Variants in REEP6 observed in about 807,000 individuals in gnomAD.
REEP6 encodes the protein receptor accessory protein 6.
A neutral mutation model predicts 22.4 loss-of-function variants in REEP6; 19 were observed. The observed-to-expected ratio is 0.85, with a 90% CI of 0.59 to 1.25. The LOEUF (loss-of-function observed/expected upper bound fraction) is 1.25, where lower values mean the gene tolerates loss of function less well. REEP6 is among the 50% of genes most tolerant of loss of function. The pLI is 0.00. For synonymous variants in REEP6, 121 were observed against 113.6 expected (o/e 1.06, Z -0.41); for missense variants, 273 against 251.9 (o/e 1.08, Z -0.57).
chr19:1,494,276 T>C (rs1284513026), intron 1 of REEP6, among the ~76,000 whole-genome samples: 2 of 152,046 alleles, frequency 1.3e-5, no homozygotes, highest in Non-Finnish European at 2.9e-5. Context: ...ATGCTGGGGT[T>C]TGCTGCCTCC....
At chr19:1,494,743 G>A (rs912459842) in intron 1 of REEP6, among the ~76,000 whole-genome samples, 1 of 151,920 alleles carries the variant, frequency 6.6e-6, no homozygotes, top group Non-Finnish European at 1.5e-5. Context: ...GGAGTGCAAC[G>A]GCGCGATCTT....
At position 1,496,537 on chromosome 19, in the gene REEP6, T is replaced by TTTGGCCGCCCACTGTCTGGCATC. The variant is rs1555691289; in HGVS notation, c.517+94_517+95insACTGTCTGGCATCTTGGCCGCCC. ...TCTCCACCTTGCCTCCCTTTCTGAC[T>TTTGGCCGCCCACTGTCTGGCATC]TTGGCCGCCCCCTCTCACTGTCCGC... On this transcript the variant is annotated intron_variant, in intron 4 of 4. Coordinates refer to ENST00000233596, the MANE Select transcript of REEP6 (RefSeq NM_138393.4). 1.0e-5 allele frequency: 15 copies of TTTGGCCGCCCACTGTCTGGCATC among 1,486,762 alleles called. No individual in the cohort carries two copies. In the African/African-American group the frequency reaches 2.1e-4, roughly 21 times the overall value. The allele number at this position is 1,486,762 out of a possible 1,614,324, so 92.1% of individuals were successfully genotyped here.
chr19:1,496,717 T>TGTGTGC (rs767301493), intron 4 of REEP6: 2 of 568,262 alleles, frequency 3.5e-6, no homozygotes, highest in African/African-American at 3.8e-5. Flanking sequence ...TGTGTGTGTG[T>TGTGTGC]GCGCGCGCGC....
At chr19:1,494,368 AGTC>A (rs1362756496) in intron 1 of REEP6, among the ~76,000 whole-genome samples, 6 of 152,172 alleles carry the variant, frequency 3.9e-5, no homozygotes, top group Non-Finnish European at 7.4e-5. Context: ...AGATACCTGT[AGTC>A]GTCATGACTT....
At chr19:1,493,016 G>A (rs962600543) in intron 1 of REEP6, among the ~76,000 whole-genome samples, 8 of 152,080 alleles carry the variant, frequency 5.3e-5, no homozygotes, top group African/African-American at 1.9e-4. Flanking sequence ...TGTCACCAGA[G>A]ACGAAACTGA....
chr19:1,496,048 C>T (rs2085003438), intron 3 of REEP6: 5 of 571,676 alleles, frequency 8.7e-6, no homozygotes, highest in Middle Eastern at 4.7e-4. Flanking sequence ...GAGACCCAGG[C>T]CTGTCCCAGT....
At chr19:1,493,773 G>C (rs1275743767) in intron 1 of REEP6, among the ~76,000 whole-genome samples, 1 of 112,120 alleles carries the variant, frequency 8.9e-6, no homozygotes, top group Non-Finnish European at 1.9e-5. Flanking sequence ...CTGTGTTATA[G>C]TTGCCTGAAG....
At position 1,497,012 on chromosome 19, in the gene REEP6, C is replaced by A. The variant is rs572754507; in HGVS notation, c.518-162C>A. Among the ~76,000 whole-genome samples, 67 of 152,252 alleles carry A rather than the reference C, an allele frequency of 4.4e-4. 1 individual carries two copies. In the South Asian group the frequency reaches 0.012, roughly 28 times the overall value. ...GTGCACCCATCTGTGCATGGGTGAC[C>A]ATGAAAGCCTCTGTGTGGTTGACAC... On this transcript the variant is annotated intron_variant, in intron 4 of 4. Transcript: ENST00000233596. This position sits in a 1 kb window ranked among gnomAD's most constrained non-coding sequence, Gnocchi z 6.5.
chr19:1,491,325 C>A lies in REEP6; in HGVS notation c.56C>A (p.Thr19Asn). 5 of 1,479,954 alleles carry A rather than the reference C, an allele frequency of 3.4e-6. No individual in the cohort carries two copies. The highest frequency in any genetic ancestry group is 3.6e-6 in the Non-Finnish European group (4 of 1,116,270). 91.7% of individuals were successfully genotyped at this position (1,479,954 alleles called of 1,614,324 possible). A position where few individuals can be genotyped will look rare whatever the true frequency, so the allele number is the denominator to read the frequency against. ...TTCCTGGAGCAAAGGAACCTGGTCA[C>A]CGAAGTGCTGGGGGCGCTGGAGGCC... ...EHFLEQRNLV[T>N]EVLGALEAKT... Residue 19 changes from threonine (T) to asparagine (N), a missense_variant, in exon 1 of 5, where the codon ACC becomes AAC. Physicochemically the swap from Thr to Asn is moderately conservative, Grantham distance 65. Coordinates refer to ENST00000233596, the MANE Select transcript of REEP6 (RefSeq NM_138393.4). The surrounding 1 kb of genome is among the most constrained non-coding windows in gnomAD (Gnocchi z 5.4).
In REEP6 at chr19:1,491,355, C is replaced by T; in HGVS notation, c.86C>T (p.Thr29Ile). 1.4e-6 allele frequency: 2 copies of T among 1,476,230 alleles called. No individual in the cohort carries two copies. The highest frequency in any genetic ancestry group is 9.0e-7 in the Non-Finnish European group (1 of 1,114,620). The allele number at this position is 1,476,230 out of a possible 1,614,324, so 91.4% of individuals were successfully genotyped here. ...TEVLGALEAK[T>I]GVEKRYLAAG... Reference sequence around the variant, plus strand: ...GTGCTGGGGGCGCTGGAGGCCAAGACCGGGGTGGAGAAGCGGTATCTGGCT... The same window carrying T: ...GTGCTGGGGGCGCTGGAGGCCAAGATCGGGGTGGAGAAGCGGTATCTGGCT... Residue 29 changes from threonine (T) to isoleucine (I), a missense_variant, in exon 1 of 5, where the codon ACC (threonine) becomes ATC (isoleucine). Coordinates refer to ENST00000233596, the MANE Select transcript of REEP6 (RefSeq NM_138393.4). The surrounding 1 kb of genome is among the most constrained non-coding windows in gnomAD (Gnocchi z 5.4).
Position 1,491,956 on chromosome 19 carries a change from G to A in REEP6, c.115+572G>A, listed in dbSNP as rs975615851. 3.3e-5 allele frequency among the ~76,000 whole-genome samples: 5 copies of A among 152,206 alleles called. No homozygotes were observed. Among genetic ancestry groups the A allele is most frequent in the African/African-American group, 9.7e-5 (4 of 41,442 alleles). On this transcript the variant is annotated intron_variant, in intron 1 of 4. Coordinates refer to ENST00000233596, the MANE Select transcript of REEP6 (RefSeq NM_138393.4). The surrounding 1 kb of genome is among the most constrained non-coding windows in gnomAD (Gnocchi z 5.4). ...CTGACGGCTGTGATGTGGGGAGGCT[G>A]GACTGGGGCCCACAGAGCCGGAGAT...
Position 1,496,349 on chromosome 19 carries a change from G to C in REEP6, c.413G>C (p.Arg138Pro). The C allele has an allele frequency of 6.2e-7, 1 of 1,612,972 alleles. No homozygotes were observed. ...AACGGGGCTCTCATGCTGTATCAGC[G>C]CGTCGTGCGTCCGCTGTTCCTAAGG... ...PWNGALMLYQRVVRPLFLRHH... is the reference protein window; with the variant it reads ...PWNGALMLYQPVVRPLFLRHH... Residue 138 changes from arginine (R) to proline (P), a missense_variant, in exon 4 of 5, where the codon CGC (arginine) becomes CCC (proline). Arg to Pro is a moderately radical substitution (Grantham distance 103). Coordinates refer to ENST00000233596, the MANE Select transcript of REEP6 (RefSeq NM_138393.4).
At position 1,497,530 on chromosome 19, in the gene REEP6, C is replaced by T. The variant is rs910329027; in HGVS notation, c.*319C>T. 26 of 640,284 alleles carry T rather than the reference C, an allele frequency of 4.1e-5. No individual in the cohort carries two copies. The African/African-American group carries it at 4.3e-4, about 11-fold the overall frequency. The allele number at this position is 640,284 out of a possible 1,614,324, so 39.7% of individuals were successfully genotyped here. On this transcript the variant is annotated 3_prime_UTR_variant, in exon 5 of 5. Coordinates refer to ENST00000233596, the MANE Select transcript of REEP6 (RefSeq NM_138393.4). The surrounding 1 kb of genome is among the most constrained non-coding windows in gnomAD (Gnocchi z 6.5). ...TGGTCTCGGCAACACACCCAGCCGC[C>T]TGGTACTTCCTCCAGCCCCTCCCAG...
Position 1,496,326 on chromosome 19 carries a change from C to T in REEP6, c.390C>T (p.Asn130=), listed in dbSNP as rs776775348. Reference sequence around the variant, plus strand: ...TCTGCATGGCTCCCAGGCCCTGGAACGGGGCTCTCATGCTGTATCAGCGCG... The same window carrying T: ...TCTGCATGGCTCCCAGGCCCTGGAATGGGGCTCTCATGCTGTATCAGCGCG... ...LLFCMAPRPW[N]GALMLYQRVV... Residue 130 remains asparagine, a synonymous_variant, in exon 4 of 5, where the codon AAC becomes AAT. Coordinates refer to ENST00000233596, the MANE Select transcript of REEP6 (RefSeq NM_138393.4). 30 of 1,611,890 alleles carry T rather than the reference C, an allele frequency of 1.9e-5. No individual in the cohort carries two copies. Among genetic ancestry groups the T allele is most frequent in the Non-Finnish European group, 2.4e-5 (28 of 1,179,378 alleles).
At chr19:1,492,135 G>C (rs2084959825) in intron 1 of REEP6, among the ~76,000 whole-genome samples, 1 of 152,030 alleles carries the variant, frequency 6.6e-6, no homozygotes, top group Non-Finnish European at 1.5e-5. Flanking sequence ...TTTTTTTTGA[G>C]ACCGAGTCTT....
chr19:1,496,728 G>A (rs911279826), intron 4 of REEP6: 38 of 660,516 alleles, frequency 5.8e-5, no homozygotes, highest in Middle Eastern at 2.4e-4. Context: ...GCGCGCGCGC[G>A]CGCGTGTGTT....
At position 1,496,299 on chromosome 19, in the gene REEP6, G is replaced by T. The variant is rs780095692; in HGVS notation, c.363G>T (p.Leu121Phe). 1 of 1,609,548 alleles carries T rather than the reference G, an allele frequency of 6.2e-7. No homozygotes were observed. The highest frequency in any genetic ancestry group is 1.1e-5 in the South Asian group (1 of 91,046). ...CCGCCCTGCAGTGCGCCTTCCTGTTGTTCTGCATGGCTCCCAGGCCCTGGA... is the reference window on the plus strand; with the variant it reads ...CCGCCCTGCAGTGCGCCTTCCTGTTTTTCTGCATGGCTCCCAGGCCCTGGA... ...FYYVGKCAFL[L>F]FCMAPRPWNG... The change falls in exon 4 of 5, where the codon TTG becomes TTT. Residue 121 changes from leucine (L) to phenylalanine (F), a missense_variant. Physicochemically the swap from Leu to Phe is conservative, Grantham distance 22. Coordinates refer to ENST00000233596, the MANE Select transcript of REEP6 (RefSeq NM_138393.4).
At chr19:1,493,044 G>T (rs791474) in intron 1 of REEP6, among the ~76,000 whole-genome samples, 1,578 of 152,216 alleles carry the variant, frequency 0.01, 30 homozygotes, top group African/African-American at 0.035. Context: ...GGAGGCAGGG[G>T]CTGCCTCTGT....
chr19:1,495,862 C>A, intron 3 of REEP6: 1 of 594,568 alleles, frequency 1.7e-6, no homozygotes, highest in Non-Finnish European at 2.9e-6. Flanking sequence ...TACAGGATGT[C>A]TGATGGTGGA....
Sources: allele counts gnomAD v4.1 joint callset (sites outside exome capture counted in the v4.1 genomes callset), GRCh38; gene constraint gnomAD v4.1.1; non-coding constraint Gnocchi (gnomAD v3.1); transcripts MANE v1.5; gene names NCBI Gene and HGNC (gene_info 2026-07-23, HGNC 2026-07-21).